CAT: variants seen among roughly 807,000 people sequenced by gnomAD.
CAT encodes the protein catalase.
Under a neutral mutation model 59.0 loss-of-function variants are expected in CAT, and 43 were observed. The ratio of observed to expected loss-of-function variants is 0.73; its 90% CI spans 0.57 to 0.94. CAT has a LOEUF of 0.94. Ranked by LOEUF, CAT falls within the 40% of genes least tolerant of loss-of-function variation. CAT has a pLI of 0.00. For synonymous variants in CAT, 218 were observed against 230.9 expected (o/e 0.94, Z 0.51); for missense variants, 664 against 682.9 (o/e 0.97, Z 0.31).
chr11:34,452,483 T>G (rs1390439099), intron 4 of CAT, among the ~76,000 whole-genome samples: 1 of 152,106 alleles, frequency 6.6e-6, no homozygotes, highest in Non-Finnish European at 1.5e-5. Flanking sequence ...AGAGGGACTT[T>G]ACTTTGGAAA....
At chr11:34,466,553 G>A (rs992506276) in intron 10 of CAT, among the ~76,000 whole-genome samples, 7 of 151,930 alleles carry the variant, frequency 4.6e-5, no homozygotes, top group East Asian at 1.9e-4. Context: ...TGAGGTGGGC[G>A]GATCACGAGG....
At position 34,461,254 on chromosome 11, in the gene CAT, C is replaced by A. The variant is rs770993479; in HGVS notation, c.1060C>A (p.Arg354Ser). 3.1e-6 allele frequency: 5 copies of A among 1,614,028 alleles called. No homozygotes were observed. In the African/African-American group the frequency reaches 6.7e-5, roughly 22 times the overall value. Residue 354 changes from arginine to serine, a missense_variant, in exon 9 of 13, where the codon CGC becomes AGC. Coordinates refer to ENST00000241052, the MANE Select transcript of CAT (RefSeq NM_001752.4). ...TCTATTGTATTTATTACTGCAGGGC[C>A]GCCTTTTTGCCTATCCTGACACTCA... ...EASPDKMLQG[R>S]LFAYPDTHRH...
In CAT at chr11:34,461,275, A is replaced by G; in HGVS notation, c.1081A>G (p.Thr361Ala). 1 of 1,614,142 alleles carries G rather than the reference A, an allele frequency of 6.2e-7. No individual in the cohort carries two copies. Among genetic ancestry groups the G allele is most frequent in the Non-Finnish European group, 8.5e-7 (1 of 1,180,022 alleles). The change falls in exon 9 of 13, where the codon ACT becomes GCT. Residue 361 changes from threonine to alanine, a missense_variant. Physicochemically the swap from Thr to Ala is moderately conservative, Grantham distance 58 (BLOSUM62 0). Coordinates refer to ENST00000241052, the MANE Select transcript of CAT (RefSeq NM_001752.4). The stretch of plus-strand genomic sequence containing the variant: ...GGGCCGCCTTTTTGCCTATCCTGAC[A>G]CTCACCGCCATCGCCTGGGACCCAA... The part of the protein sequence containing the change: ...LQGRLFAYPD[T>A]HRHRLGPNYL...
At position 34,457,252 on chromosome 11, in the gene CAT, G is replaced by A. The variant is rs796079410; in HGVS notation, c.1056+435G>A. On this transcript the variant is annotated intron_variant, in intron 8 of 12. Transcript: ENST00000241052. ...TTTTGTGACAGAGTCTTGCTCTGTC[G>A]CCCAGGCTGGAGTGCAGTGGCATGA... Among the ~76,000 whole-genome samples, 75 of 115,260 alleles carry A rather than the reference G, an allele frequency of 6.5e-4. 1 individual carries two copies. The highest frequency in any genetic ancestry group is 2.0e-3 in the South Asian group (7 of 3,438). The allele number at this position is 115,260 out of a possible 152,430, so 75.6% of individuals were successfully genotyped here.
intron 1 of CAT, among the ~76,000 whole-genome samples, chr11:34,446,687 C>T (rs1856459631): frequency 6.6e-6 from 1 of 152,094 alleles, no homozygotes; most frequent in African/African-American, 2.4e-5. Context: ...TTTAGCGTTC[C>T]TTTTACTGAG....
rs1009252894 is a variant in CAT at position 34,439,196 on chromosome 11, T to C, written c.66+117T>C. Reference sequence around the variant, plus strand: ...TTGGAGGGACTGTACCGCGGCTCACTGGGCAGGGGGGATCCCCTTCGGTGC... The same window carrying C: ...TTGGAGGGACTGTACCGCGGCTCACCGGGCAGGGGGGATCCCCTTCGGTGC... On this transcript the variant is annotated intron_variant, in intron 1 of 12. Transcript: ENST00000241052. The C allele has an allele frequency of 4.2e-6, 4 of 957,804 alleles. No homozygotes were observed. The African/African-American group carries it at 6.5e-5, about 16-fold the overall frequency. The allele number at this position is 957,804 out of a possible 1,614,324, so 59.3% of individuals were successfully genotyped here. A position where few individuals can be genotyped will look rare whatever the true frequency, so the allele number is the denominator to read the frequency against.
In CAT at chr11:34,446,131, A is replaced by G. The variant is rs17880607; in HGVS notation, c.67-3061A>G. ...AGTTTAGATCAGTTCCTCTTATCCAATGTTGCGCTAAACATCCCCTGAAGT... is the reference window on the plus strand; with the variant it reads ...AGTTTAGATCAGTTCCTCTTATCCAGTGTTGCGCTAAACATCCCCTGAAGT... On this transcript the variant is annotated intron_variant, in intron 1 of 12. Transcript: ENST00000241052. Among the ~76,000 whole-genome samples, 389 of 152,194 alleles carry G rather than the reference A, an allele frequency of 2.6e-3. 2 individuals carry two copies. The highest frequency in any genetic ancestry group is 8.7e-3 in the African/African-American group (362 of 41,542).
chr11:34,443,415 T>A (rs1164845426), intron 1 of CAT, among the ~76,000 whole-genome samples: 1 of 152,130 alleles, frequency 6.6e-6, no homozygotes, highest in African/African-American at 2.4e-5. Context: ...CTCGATCCAC[T>A]TAAAAATTCT....
At chr11:34,450,440 A>C (rs1856511198) in intron 2 of CAT, among the ~76,000 whole-genome samples, 1 of 152,198 alleles carries the variant, frequency 6.6e-6, no homozygotes, top group Non-Finnish European at 1.5e-5. Context: ...GCTCCACAGA[A>C]AGGAAGTTTT....
intron 6 of CAT, 136 bp from the exon 7 acceptor site, chr11:34,455,875 G>C (rs1856581437): frequency 1.4e-6 from 1 of 694,636 alleles, no homozygotes; most frequent in Non-Finnish European, 2.5e-6. Context: ...TATCAGATTT[G>C]AACAATAGAA....
chr11:34,440,479 T>G (rs1468916033), intron 1 of CAT, among the ~76,000 whole-genome samples: 1 of 152,226 alleles, frequency 6.6e-6, no homozygotes, highest in Non-Finnish European at 1.5e-5. Flanking sequence ...GAAGTTTTCA[T>G]GAATACTCGG....
chr11:34,463,088 G>A (rs1255934973), intron 9 of CAT, among the ~76,000 whole-genome samples: 2 of 152,012 alleles, frequency 1.3e-5, no homozygotes, highest in African/African-American at 2.4e-5. Flanking sequence ...AATCTATTAC[G>A]GCAGTGAGCT....
At chr11:34,451,823 C>T (rs551483910) in intron 3 of CAT, among the ~76,000 whole-genome samples, 90 of 152,300 alleles carry the variant, frequency 5.9e-4, no homozygotes, top group Non-Finnish European at 1.1e-3. Context: ...ACAAAGTTAT[C>T]TTATTATGGT....
chr11:34,456,076 C>T lies in CAT; in HGVS notation c.777C>T (p.Asp259=). 6.2e-7 allele frequency: 1 copy of T among 1,614,100 alleles called. No homozygotes were observed. Among genetic ancestry groups the T allele is most frequent in the Non-Finnish European group, 8.5e-7 (1 of 1,179,990 alleles). The stretch of plus-strand genomic sequence containing the variant: ...CGAGACTTTCCCAGGAAGATCCTGA[C>T]TATGGCATCCGGGATCTTTTTAACG... ...DAARLSQEDP[D]YGIRDLFNAI... The change falls in exon 7 of 13, where the codon GAC becomes GAT. Residue 259 remains aspartate (D), a synonymous_variant. Coordinates refer to ENST00000241052, the MANE Select transcript of CAT (RefSeq NM_001752.4).
chr11:34,451,380 A>G (rs867072845), intron 3 of CAT, among the ~76,000 whole-genome samples: 2 of 152,248 alleles, frequency 1.3e-5, no homozygotes, highest in Non-Finnish European at 1.5e-5. Context: ...ACAGAAGAAT[A>G]GAGTGGAAAT....
chr11:34,439,156 C>T (rs1856355061), intron 1 of CAT, 77 bp downstream of exon 1: 19 of 1,374,858 alleles, frequency 1.4e-5, no homozygotes, highest in African/African-American at 2.9e-5. Context: ...GGCCCGGCTT[C>T]CCCCGGGGCG....
intron 1 of CAT, among the ~76,000 whole-genome samples, chr11:34,439,437 T>C (rs1465338873): frequency 2.6e-5 from 4 of 152,008 alleles, no homozygotes; most frequent in Non-Finnish European, 4.4e-5. Flanking sequence ...AGGGGAGAAG[T>C]GGAACCAGGC....
intron 11 of CAT, among the ~76,000 whole-genome samples, chr11:34,469,435 C>T (rs1245349641): frequency 6.6e-6 from 1 of 152,178 alleles, no homozygotes; most frequent in Non-Finnish European, 1.5e-5. Context: ...TCCCAATGCC[C>T]TGCCTCCTCT....
intron 9 of CAT, 63 bp downstream of exon 9, chr11:34,461,452 G>A: frequency 6.3e-7 from 1 of 1,592,100 alleles, no homozygotes; most frequent in East Asian, 2.2e-5. Context: ...AGATGGGCGG[G>A]AGGCCAGGCC....
Sources: gnomAD v4.1 joint callset for allele counts (sites outside exome capture counted in the v4.1 genomes callset) on GRCh38, gnomAD v4.1.1 for gene constraint, MANE v1.5 for transcripts, NCBI Gene and HGNC (gene_info 2026-07-23, HGNC 2026-07-21) for gene names.